Variants in SLC15A4 observed in about 807,000 individuals in gnomAD.
SLC15A4 encodes solute carrier family 15 member 4.
A neutral mutation model predicts 46.1 loss-of-function variants in SLC15A4; 26 were observed. The observed-to-expected ratio is 0.56, with a 90% CI of 0.41 to 0.78. The LOEUF is 0.78. Ranked by LOEUF, SLC15A4 falls within the 30% of genes least tolerant of loss-of-function variation. SLC15A4 has a pLI of 0.00. For synonymous variants in SLC15A4, 370 were observed against 333.4 expected (o/e 1.11, Z -1.20); for missense variants, 751 against 755.7 (o/e 0.99, Z 0.07).
At chr12:128,823,184 T>C (rs569660218) in intron 1 of SLC15A4, among the ~76,000 whole-genome samples, 54 of 152,264 alleles carry the variant, frequency 3.5e-4, no homozygotes, top group Admixed American at 2.7e-3. Flanking sequence ...TGTGTAGACC[T>C]CACCCCGCCC....
At chr12:128,814,603 T>G in intron 2 of SLC15A4, 172 bp downstream of exon 2, 1 of 662,200 alleles carries the variant, frequency 1.5e-6, no homozygotes, top group Non-Finnish European at 2.5e-6. Flanking sequence ...GATGGGATAA[T>G]AAGACCGCAC....
intron 1 of SLC15A4, chr12:128,816,063 C>T (rs1319384387): frequency 1.3e-5 from 2 of 152,174 alleles, no homozygotes; most frequent in Non-Finnish European, 2.9e-5. Context: ...TCAATGGAAT[C>T]GGAGAAATTC....
intron 7 of SLC15A4, among the ~76,000 whole-genome samples, chr12:128,797,763 G>A (rs888180505): frequency 2.6e-5 from 4 of 152,206 alleles, no homozygotes; most frequent in African/African-American, 9.7e-5. Flanking sequence ...TCTCTCTGAG[G>A]AGCGGGCTTC....
intron 3 of SLC15A4, 86 bp downstream of exon 3, chr12:128,809,857 A>G (rs1955634662): frequency 7.3e-7 from 1 of 1,377,556 alleles, no homozygotes; most frequent in South Asian, 1.4e-5. Context: ...ACCTAGTCCT[A>G]CCTACTTTAG....
At position 128,814,526 on chromosome 12, in the gene SLC15A4, A is replaced by C. The variant is rs1180176138; in HGVS notation, c.842+249T>G. 4.2e-5 allele frequency: 20 copies of C among 476,174 alleles called. No homozygotes were observed. The East Asian group carries it at 6.5e-4, about 16-fold the overall frequency. 29.5% of individuals were successfully genotyped at this position (476,174 alleles called of 1,614,324 possible). A position where few individuals can be genotyped will look rare whatever the true frequency, so the allele number is the denominator to read the frequency against. Reference sequence around the variant, plus strand: ...CAAAGGAGCTTCCGTCTACACTAGCAGTGAGAGAAAGTGCAACGTGGGGTT... The same window carrying C: ...CAAAGGAGCTTCCGTCTACACTAGCCGTGAGAGAAAGTGCAACGTGGGGTT... On this transcript the variant is annotated intron_variant, in intron 2 of 7. Coordinates refer to ENST00000266771, the MANE Select transcript of SLC15A4 (RefSeq NM_145648.4).
At chr12:128,812,927 G>A (rs980810316) in intron 2 of SLC15A4, among the ~76,000 whole-genome samples, 69 of 152,054 alleles carry the variant, frequency 4.5e-4, no homozygotes, top group Non-Finnish European at 1.2e-4. Context: ...GACTTTCAAA[G>A]ACTATCCTAA....
chr12:128,822,828 G>A (rs1294709201), intron 1 of SLC15A4, among the ~76,000 whole-genome samples: 1 of 152,002 alleles, frequency 6.6e-6, no homozygotes, highest in Non-Finnish European at 1.5e-5. Flanking sequence ...GAGCCACTGC[G>A]CTCAGCGTAT....
chr12:128,795,529 G>A (rs1955433301), intron 7 of SLC15A4, among the ~76,000 whole-genome samples: 1 of 152,178 alleles, frequency 6.6e-6, no homozygotes, highest in Non-Finnish European at 1.5e-5. Flanking sequence ...GCGCCGAGGA[G>A]CAGCATTTCA....
intron 5 of SLC15A4, among the ~76,000 whole-genome samples, chr12:128,806,165 C>CA (rs765448653): frequency 0.019 from 1,624 of 86,238 alleles, 68 homozygotes; most frequent in African/African-American, 0.063. Context: ...GACTCTGTCT[C>CA]AAAAAAAAAA....
Position 128,822,700 on chromosome 12 carries a change from C to T in SLC15A4, c.546+698G>A, listed in dbSNP as rs1214002842. On this transcript the variant is annotated intron_variant, in intron 1 of 7. Coordinates refer to ENST00000266771, the MANE Select transcript of SLC15A4 (RefSeq NM_145648.4). ...CCGACTAGCTGAGAGAACAGGTGCC[C>T]GCCACCACGCTCGGCTAATTTTTGT... Among the ~76,000 whole-genome samples the T allele has an allele frequency of 7.2e-5, 11 of 152,182 alleles. 1 individual carries two copies. The South Asian group carries it at 1.9e-3, about 26-fold the overall frequency.
chr12:128,808,752 C>T (rs199932080), intron 5 of SLC15A4, 36 bp downstream of exon 5: 5 of 1,606,656 alleles, frequency 3.1e-6, no homozygotes, highest in African/African-American at 2.7e-5. Flanking sequence ...CTGCTGCAGT[C>T]GGGCCTGAGG....
chr12:128,810,142 T>C (rs1566052347), intron 2 of SLC15A4, 31 bp from the exon 3 acceptor site: 1 of 1,602,574 alleles, frequency 6.2e-7, no homozygotes, highest in Non-Finnish European at 8.5e-7. Flanking sequence ...GAATTAGTTT[T>C]CTTCCCCTCC....
At position 128,823,766 on chromosome 12, in the gene SLC15A4, G is replaced by A; in HGVS notation, c.178C>T (p.Leu60=). 6.5e-7 allele frequency: 1 copy of A among 1,533,938 alleles called. No individual in the cohort carries two copies. The highest frequency in any genetic ancestry group is 1.2e-5 in the South Asian group (1 of 83,816). ...AFYGITSNLV[L]FLNGAPFCWE... ...CAGAACGGCGCCCCGTTCAGGAATAGCACCAGGTTGGACGTGATGCCGTAG... is the reference window on the plus strand; with the variant it reads ...CAGAACGGCGCCCCGTTCAGGAATAACACCAGGTTGGACGTGATGCCGTAG... Residue 60 remains leucine, a synonymous_variant, in exon 1 of 8, where the codon CTA becomes TTA. Coordinates refer to ENST00000266771, the MANE Select transcript of SLC15A4 (RefSeq NM_145648.4).
chr12:128,799,433 G>A lies in SLC15A4; in HGVS notation c.1415-16C>T, dbSNP rs770567501. The A allele has an allele frequency of 1.5e-5, 24 of 1,613,388 alleles. No homozygotes were observed. Among genetic ancestry groups the A allele is most frequent in the Middle Eastern group, 3.3e-4 (2 of 6,080 alleles). ...AATTCCAGGCCTGAGGAAAGAAAAG[G>A]GAGGGTCGTTTTTGTGAAAGGGGCA... is the stretch of plus-strand genomic sequence containing the variant. On this transcript the variant is annotated splice_polypyrimidine_tract_variant and intron_variant, in intron 6 of 7. Transcript: ENST00000266771.
chr12:128,799,150 G>A lies in SLC15A4; in HGVS notation c.1573+109C>T, dbSNP rs574234910. On this transcript the variant is annotated intron_variant, in intron 7 of 7. Coordinates refer to ENST00000266771, the MANE Select transcript of SLC15A4 (RefSeq NM_145648.4). ...GGAAGGAGCGGTGGACAGGCAGCTC[G>A]GGACAGGCCATCCACGTGAAAACAC... 2.2e-5 allele frequency: 27 copies of A among 1,218,478 alleles called. No individual in the cohort carries two copies. In the East Asian group the frequency reaches 3.7e-4, roughly 17 times the overall value. The allele number at this position is 1,218,478 out of a possible 1,614,324, so 75.5% of individuals were successfully genotyped here.
intron 2 of SLC15A4, chr12:128,810,367 G>A: frequency 2.3e-6 from 1 of 430,288 alleles, no homozygotes; most frequent in South Asian, 2.3e-5. Flanking sequence ...GGCGTGGCTG[G>A]AAGATCTGTG....
Position 128,823,476 on chromosome 12 carries a change from G to T in SLC15A4, c.468C>A (p.Ala156=). The change falls in exon 1 of 8, where the codon GCC becomes GCA. Residue 156 remains alanine (A), a synonymous_variant. Transcript: ENST00000266771. ...CCACCAGCACCAGCCCCGCGAAGGT[G>T]GCCGGTGAGCAGCAGCGGGCGGCGG... ...PDAAARCCSP[A]TFAGLVLVGL... 1 of 1,484,718 alleles carries T rather than the reference G, an allele frequency of 6.7e-7. No homozygotes were observed. Among genetic ancestry groups the T allele is most frequent in the Non-Finnish European group, 8.9e-7 (1 of 1,124,612 alleles). 92.0% of individuals were successfully genotyped at this position (1,484,718 alleles called of 1,614,324 possible).
chr12:128,813,470 A>G (rs1290447803), intron 2 of SLC15A4: 4 of 152,250 alleles, frequency 2.6e-5, no homozygotes, highest in Admixed American at 2.6e-4. Flanking sequence ...CGGAGAAATC[A>G]GAGATGTTCA....
chr12:128,819,267 G>T (rs1946062710), intron 1 of SLC15A4, among the ~76,000 whole-genome samples: 1 of 152,066 alleles, frequency 6.6e-6, no homozygotes, highest in Admixed American at 6.6e-5. Flanking sequence ...AGCCAGGCGT[G>T]GTGGCTCACA....
Sources: gnomAD v4.1 joint callset for allele counts (sites outside exome capture counted in the v4.1 genomes callset) on GRCh38, gnomAD v4.1.1 for gene constraint, MANE v1.5 for transcripts, NCBI Gene and HGNC (gene_info 2026-07-23, HGNC 2026-07-21) for gene names.